Variants in AKT2 observed in about 807,000 individuals in gnomAD.
AKT2 encodes AKT serine/threonine kinase 2, also known as RAC-beta serine/threonine-protein kinase.
AKT2 carries 16 observed loss-of-function variants against 58.6 expected under a neutral mutation model. The ratio of observed to expected loss-of-function variants is 0.27; its 90% CI spans 0.18 to 0.41. The LOEUF is 0.41. Ranked by LOEUF, AKT2 falls within the 10% of genes least tolerant of loss-of-function variation. AKT2 has a pLI of 1.00. For synonymous variants in AKT2, 253 were observed against 254.0 expected, an observed-to-expected ratio of 1.00 and a Z score of 0.04; for missense variants, 438 against 661.0, an observed-to-expected ratio of 0.66 and a Z score of 3.70.
intron 3 of AKT2, 22 bp downstream of exon 3, chr19:40,256,904 A>AC: frequency 1.2e-6 from 2 of 1,613,864 alleles, no homozygotes; most frequent in Non-Finnish European, 1.7e-6. Flanking sequence ...CAGAACACTG[A>AC]CCCACTCATC....
chr19:40,236,352 T>C lies in AKT2; in HGVS notation c.865A>G (p.Ile289Val). The change falls in exon 10 of 14, where the codon ATC becomes GTC. Residue 289 changes from isoleucine to valine, a missense_variant. Ile to Val is a conservative substitution (Grantham distance 29). Transcript: ENST00000392038. ...ENLMLDKDGHIKITDFGLCKE... is the reference protein window; with the variant it reads ...ENLMLDKDGHVKITDFGLCKE... ...CAGAGGCCAAAGTCAGTGATCTTGATGTGGCCATCTTTGTCCAGCATGAGG... is the reference window on the plus strand; with the variant it reads ...CAGAGGCCAAAGTCAGTGATCTTGACGTGGCCATCTTTGTCCAGCATGAGG... 1.9e-6 allele frequency: 3 copies of C among 1,614,188 alleles called. No homozygotes were observed. The highest frequency in any genetic ancestry group is 2.5e-6 in the Non-Finnish European group (3 of 1,180,020).
rs1973655355 is a variant in AKT2 at position 40,230,668 on chromosome 19, CCTTT to C, written c.*3200_*3203del. 1 of 221,976 alleles carries C rather than the reference CCTTT, an allele frequency of 4.5e-6. No homozygotes were observed. The highest frequency in any genetic ancestry group is 2.2e-5 in the African/African-American group (1 of 44,602). The allele number at this position is 221,976 out of a possible 1,614,324, so 13.8% of individuals were successfully genotyped here. On this transcript the variant is annotated 3_prime_UTR_variant, in exon 14 of 14. Transcript: ENST00000392038. Reference sequence around the variant, plus strand: ...AGGCCCTGCGACCTCGGGTGAATTTCCTTTCTTATACTCCTGCTTTGCTGTCTTT... The same window carrying C: ...AGGCCCTGCGACCTCGGGTGAATTTCCTTATACTCCTGCTTTGCTGTCTTT...
In AKT2 at chr19:40,235,289, T is replaced by G. The variant is rs1973947575; in HGVS notation, c.1237A>C (p.Asn413His). ...TTCTTCTGGACCACGTCCTGCCAGT[T>G]GATGCTGAGGAAGAACCTGTGCTCC... ...VMEHRFFLSI[N>H]WQDVVQKKLL... is the part of the protein sequence containing the mutation. The change falls in exon 12 of 14, where the codon AAC (asparagine) becomes CAC (histidine). Residue 413 changes from asparagine (N) to histidine (H), a missense_variant. Physicochemically the swap from Asn to His is moderately conservative, Grantham distance 68 (BLOSUM62 1). Transcript: ENST00000392038. The surrounding 1 kb of genome is among the most constrained non-coding windows in gnomAD (Gnocchi z 6.3). 6.2e-7 allele frequency: 1 copy of G among 1,613,918 alleles called. No individual in the cohort carries two copies. The highest frequency in any genetic ancestry group is 8.5e-7 in the Non-Finnish European group (1 of 1,180,020).
At chr19:40,247,591 C>A (rs1288337246) in intron 4 of AKT2, among the ~76,000 whole-genome samples, 1 of 152,154 alleles carries the variant, frequency 6.6e-6, no homozygotes, top group Non-Finnish European at 1.5e-5. Flanking sequence ...AGCCAGGGAG[C>A]CCACGGGAAA....
At chr19:40,272,018 A>G (rs1217413064) in intron 1 of AKT2, among the ~76,000 whole-genome samples, 2 of 152,220 alleles carry the variant, frequency 1.3e-5, no homozygotes, top group Non-Finnish European at 2.9e-5. Context: ...ACTCTACTAA[A>G]AAGAGCAAGG....
In AKT2 at chr19:40,237,908, A is replaced by G; in HGVS notation, c.831+61T>C. 6.2e-7 allele frequency: 1 copy of G among 1,604,776 alleles called. No homozygotes were observed. Among genetic ancestry groups the G allele is most frequent in the Non-Finnish European group, 8.5e-7 (1 of 1,176,496 alleles). On this transcript the variant is annotated intron_variant, in intron 9 of 13. Coordinates refer to ENST00000392038, the MANE Select transcript of AKT2 (RefSeq NM_001626.6). This position sits in a 1 kb window ranked among gnomAD's most constrained non-coding sequence, Gnocchi z 4.5. ...GGCAGAAGCTCAGCCCAACTTCCCC[A>G]GTGTGAGTCCCATGTGGTGTGCATG...
chr19:40,257,533 T>C (rs1384648408), intron 2 of AKT2, among the ~76,000 whole-genome samples: 1 of 151,838 alleles, frequency 6.6e-6, no homozygotes, highest in Non-Finnish European at 1.5e-5. Context: ...CAGCGCCCCT[T>C]GACTCTTTCC....
In AKT2 at chr19:40,238,896, G is replaced by A. The variant is rs377332467; in HGVS notation, c.708+9C>T. The A allele has an allele frequency of 4.6e-5, 75 of 1,613,892 alleles. No individual in the cohort carries two copies. Among genetic ancestry groups the A allele is most frequent in the South Asian group, 1.1e-4 (10 of 91,084 alleles). On this transcript the variant is annotated intron_variant, in intron 8 of 13. Coordinates refer to ENST00000392038, the MANE Select transcript of AKT2 (RefSeq NM_001626.6). This position sits in a 1 kb window ranked among gnomAD's most constrained non-coding sequence, Gnocchi z 5.1. ...CCCAGAGGGCAAAGTCAAGGCAGCC[G>A]CGGCTCACCTCACCCCCGTTGGCAT...
intron 1 of AKT2, among the ~76,000 whole-genome samples, chr19:40,271,234 T>C (rs552147502): frequency 1.3e-4 from 18 of 134,516 alleles, no homozygotes; most frequent in African/African-American, 2.9e-4. Context: ...TATACACACA[T>C]ATATATGTAT....
chr19:40,278,546 G>A (rs1450289731), intron 1 of AKT2, among the ~76,000 whole-genome samples: 4 of 152,090 alleles, frequency 2.6e-5, no homozygotes, highest in African/African-American at 7.2e-5. Context: ...GTCTGGTTGG[G>A]CAGGAGTACA....
chr19:40,253,468 T>C (rs573549507), intron 4 of AKT2, among the ~76,000 whole-genome samples: 15 of 130,760 alleles, frequency 1.1e-4, no homozygotes, highest in East Asian at 6.7e-4. Flanking sequence ...ATAGACAATA[T>C]AGACACTTCA....
chr19:40,236,041 C>T lies in AKT2; in HGVS notation c.1024G>A (p.Glu342Lys). 2 of 1,614,126 alleles carry T rather than the reference C, an allele frequency of 1.2e-6. No homozygotes were observed. The highest frequency in any genetic ancestry group is 1.7e-6 in the Non-Finnish European group (2 of 1,180,026). Residue 342 changes from glutamate to lysine, a missense_variant, in exon 11 of 14, where the codon GAG becomes AAG. Physicochemically the swap from Glu to Lys is moderately conservative, Grantham distance 56. Around this residue, in one of 3 missense-constraint regions of AKT2, gnomAD observed 148 missense variants for 199.5 expected, o/e 0.74. Coordinates refer to ENST00000392038, the MANE Select transcript of AKT2 (RefSeq NM_001626.6). ...DWWGLGVVMY[E>K]MMCGRLPFYN... is the part of the protein sequence containing the mutation. The stretch of plus-strand genomic sequence containing the variant: ...AAGGGCAGGCGGCCGCACATCATCT[C>T]GTACATGACCACACCCAGCCCCCAC...
chr19:40,271,591 C>T (rs903297055), intron 1 of AKT2, among the ~76,000 whole-genome samples: 5 of 152,080 alleles, frequency 3.3e-5, no homozygotes, highest in Admixed American at 2.6e-4. Context: ...TAAACTGGTC[C>T]CAGCGTCTTG....
chr19:40,275,772 G>GGGGT, intron 1 of AKT2, among the ~76,000 whole-genome samples: 1 of 98,838 alleles, frequency 1.0e-5, no homozygotes, highest in Admixed American at 9.5e-5. Context: ...GCTGGGGGGG[G>GGGGT]GGGGGGTGGG....
In AKT2 at chr19:40,236,046, A is replaced by G. The variant is rs776561628; in HGVS notation, c.1019T>C (p.Met340Thr). Reference protein sequence around the residue: ...AVDWWGLGVVMYEMMCGRLPF... With the variant: ...AVDWWGLGVVTYEMMCGRLPF... ...CAGGCGGCCGCACATCATCTCGTAC[A>G]TGACCACACCCAGCCCCCACCAGTC... The change falls in exon 11 of 14, where the codon ATG (methionine) becomes ACG (threonine). Residue 340 changes from methionine to threonine, a missense_variant. By Grantham distance (81) the Met-to-Thr change is moderately conservative (BLOSUM62 -1). Around this residue, in one of 3 missense-constraint regions of AKT2, gnomAD observed 148 missense variants for 199.5 expected, o/e 0.74. Coordinates refer to ENST00000392038, the MANE Select transcript of AKT2 (RefSeq NM_001626.6). 3.7e-6 allele frequency: 6 copies of G among 1,614,074 alleles called. No homozygotes were observed. The highest frequency in any genetic ancestry group is 5.1e-6 in the Non-Finnish European group (6 of 1,180,014).
rs908931750 is a variant in AKT2 at position 40,232,778 on chromosome 19, G to A, written c.*1094C>T. 1.7e-5 allele frequency: 4 copies of A among 233,484 alleles called. No homozygotes were observed. The highest frequency in any genetic ancestry group is 6.6e-5 in the African/African-American group (3 of 45,338). The allele number at this position is 233,484 out of a possible 1,614,324, so 14.5% of individuals were successfully genotyped here. On this transcript the variant is annotated 3_prime_UTR_variant, in exon 14 of 14. Transcript: ENST00000392038. ...CGTCCCGCCGACACACGCAGTCCGA[G>A]GCACGCACAGGAGTCCCACAGCACT...
At chr19:40,269,954 C>T (rs180719990) in intron 1 of AKT2, among the ~76,000 whole-genome samples, 4 of 152,210 alleles carry the variant, frequency 2.6e-5, no homozygotes, top group East Asian at 1.9e-4. Context: ...CAGGACCCTA[C>T]GCGGCCTGCA....
At chr19:40,268,650 T>A (rs936886567) in intron 1 of AKT2, 2 of 152,590 alleles carry the variant, frequency 1.3e-5, no homozygotes, top group Admixed American at 6.5e-5. Context: ...AGCTGCTTTT[T>A]ACAAGCTCAT....
intron 4 of AKT2, among the ~76,000 whole-genome samples, chr19:40,249,432 A>G (rs1444119487): frequency 6.6e-6 from 1 of 152,196 alleles, no homozygotes; most frequent in Admixed American, 6.5e-5. Context: ...AGCCCCACTG[A>G]GGGAGAGACA....
Sources: gnomAD v4.1 joint callset for allele counts (sites outside exome capture counted in the v4.1 genomes callset) on GRCh38, gnomAD v4.1.1 for gene constraint, gnomAD v4.1.1 regional missense constraint, Gnocchi (gnomAD v3.1) non-coding constraint, MANE v1.5 for transcripts, NCBI Gene and HGNC (gene_info 2026-07-23, HGNC 2026-07-21) for gene names.